The following PPM1E variants were observed in gnomAD, a reference collection of about 807,000 sequenced individuals.
PPM1E encodes the protein protein phosphatase, Mg2+/Mn2+ dependent 1E.
A neutral mutation model predicts 65.9 loss-of-function variants in PPM1E; 20 were observed. The ratio of observed to expected loss-of-function variants is 0.30; its 90% CI spans 0.21 to 0.44. PPM1E has a LOEUF of 0.44. Ranked by LOEUF, PPM1E falls within the 20% of genes least tolerant of loss-of-function variation. The probability of loss-of-function intolerance (pLI) is 1.00; values close to 1 mark genes in which losing one functional copy is unlikely to be tolerated. For synonymous variants in PPM1E, 352 were observed against 374.9 expected (o/e 0.94, Z 0.70); for missense variants, 713 against 953.1 (o/e 0.75, Z 3.32).
At chr17:58,927,019 A>T (rs1380224455) in intron 1 of PPM1E, among the ~76,000 whole-genome samples, 3 of 152,106 alleles carry the variant, frequency 2.0e-5, no homozygotes, top group Admixed American at 6.5e-5. Context: ...TTATTTTTTT[A>T]AATCTGATAG....
At chr17:58,956,359 C>A (rs934335408) in intron 2 of PPM1E, among the ~76,000 whole-genome samples, 3 of 151,734 alleles carry the variant, frequency 2.0e-5, no homozygotes, top group African/African-American at 7.3e-5. Context: ...TTGGTTGAAC[C>A]CAGGAGGTGG....
chr17:58,857,313 G>T (rs1351192444), intron 1 of PPM1E, among the ~76,000 whole-genome samples: 1 of 151,600 alleles, frequency 6.6e-6, no homozygotes, highest in Non-Finnish European at 1.5e-5. Flanking sequence ...TTTTGGTTTT[G>T]CTACAATAAC....
intron 1 of PPM1E, chr17:58,951,433 A>G (rs2052236542): frequency 6.6e-6 from 1 of 152,228 alleles, no homozygotes; most frequent in Non-Finnish European, 1.5e-5. Flanking sequence ...AATTTCAGCA[A>G]TTTGGGAGAC....
intron 1 of PPM1E, among the ~76,000 whole-genome samples, chr17:58,783,767 G>C (rs2050071083): frequency 6.6e-6 from 1 of 152,080 alleles, no homozygotes. Flanking sequence ...GAGTGCAATG[G>C]CGTGATCTCG....
chr17:58,854,336 A>G (rs959860664), intron 1 of PPM1E, among the ~76,000 whole-genome samples: 1 of 152,124 alleles, frequency 6.6e-6, no homozygotes, highest in Non-Finnish European at 1.5e-5. Flanking sequence ...TTTTCTACAT[A>G]TAGGATCACG....
At position 58,981,067 on chromosome 17, in the gene PPM1E, A is replaced by G. The variant is rs1199600073; in HGVS notation, c.*36A>G. 7.9e-6 allele frequency: 11 copies of G among 1,400,412 alleles called. No homozygotes were observed. In the Admixed American group the frequency reaches 1.7e-4, roughly 22 times the overall value. 86.7% of individuals were successfully genotyped at this position (1,400,412 alleles called of 1,614,324 possible). Reference sequence around the variant, plus strand: ...AAGTAGGTTAGCTAGCTCTCCCCCAATAAAAATACCACTATCAGAGTAGAA... The same window carrying G: ...AAGTAGGTTAGCTAGCTCTCCCCCAGTAAAAATACCACTATCAGAGTAGAA... On this transcript the variant is annotated 3_prime_UTR_variant, in exon 7 of 7. Transcript: ENST00000308249.
At position 58,872,289 on chromosome 17, in the gene PPM1E, G is replaced by A. The variant is rs529420445; in HGVS notation, c.465-83360G>A. 1.6e-4 allele frequency among the ~76,000 whole-genome samples: 24 copies of A among 152,242 alleles called. No homozygotes were observed. The South Asian group carries it at 5.0e-3, about 32-fold the overall frequency. ...TCCAGCCTGGGCCATAAAGTGAGAG[G>A]CTGTCTCAAAAAATAAGTAAAAGGA... On this transcript the variant is annotated intron_variant, in intron 1 of 6. Coordinates refer to ENST00000308249, the MANE Select transcript of PPM1E (RefSeq NM_014906.5).
At chr17:58,907,865 A>G (rs1484452133) in intron 1 of PPM1E, among the ~76,000 whole-genome samples, 5 of 151,826 alleles carry the variant, frequency 3.3e-5, no homozygotes, top group Non-Finnish European at 5.9e-5. Context: ...TTTCATCTAT[A>G]TGTGTCTTTA....
chr17:58,904,934 G>A (rs1480738873), intron 1 of PPM1E, among the ~76,000 whole-genome samples: 1 of 152,046 alleles, frequency 6.6e-6, no homozygotes. Context: ...TGAGGCAGGA[G>A]AATCGCTTGA....
chr17:58,949,323 C>G (rs985533879), intron 1 of PPM1E, among the ~76,000 whole-genome samples: 5 of 152,074 alleles, frequency 3.3e-5, no homozygotes. Context: ...TTCCTGCTTG[C>G]TTTTGGTTTC....
chr17:58,969,503 C>T (rs752223548), intron 3 of PPM1E, 36 bp from the exon 4 acceptor site: 10 of 1,605,632 alleles, frequency 6.2e-6, no homozygotes, highest in Non-Finnish European at 8.5e-6. Context: ...CATGCTATAC[C>T]CAACTCCCAT....
Position 58,756,293 on chromosome 17 carries a change from A to AGGT in PPM1E, c.298_299insTGG (p.Glu99_Glu100insVal). 1 of 1,529,234 alleles carries AGGT rather than the reference A, an allele frequency of 6.5e-7. No individual in the cohort carries two copies. Among genetic ancestry groups the AGGT allele is most frequent in the East Asian group, 2.5e-5 (1 of 39,486 alleles). 94.7% of individuals were successfully genotyped at this position (1,529,234 alleles called of 1,614,324 possible). A position where few individuals can be genotyped will look rare whatever the true frequency, so the allele number is the denominator to read the frequency against. ...GCGGCGGTTGAGGGTGAGGAGGAGG[A>AGGT]GGAGGGCGCGGCGACGGCGGCGGCA... On this transcript the variant is annotated inframe_insertion, in exon 1 of 7. Transcript: ENST00000308249.
chr17:58,861,979 C>A (rs1749073450), intron 1 of PPM1E, among the ~76,000 whole-genome samples: 1 of 152,138 alleles, frequency 6.6e-6, no homozygotes. Flanking sequence ...GACAAAGACT[C>A]CTGGTTGAAG....
At chr17:58,816,794 ATTTTTT>A (rs71367634) in intron 1 of PPM1E, among the ~76,000 whole-genome samples, 41 of 16,632 alleles carry the variant, frequency 2.5e-3, no homozygotes, top group South Asian at 9.8e-3. Context: ...ATATATATAT[ATTTTTT>A]TTTTTTTTTT....
chr17:58,800,916 G>A, intron 1 of PPM1E, among the ~76,000 whole-genome samples: 1 of 151,936 alleles, frequency 6.6e-6, no homozygotes, highest in East Asian at 1.9e-4. Context: ...TTTTTTGCCT[G>A]ATTTCTACTT....
At chr17:58,837,342 C>CACACACACACAG (rs2050672731) in intron 1 of PPM1E, among the ~76,000 whole-genome samples, 1 of 149,592 alleles carries the variant, frequency 6.7e-6, no homozygotes, top group Non-Finnish European at 1.5e-5. Context: ...TACACACACA[C>CACACACACACAG]ACACACACAC....
chr17:58,894,738 T>G (rs1038988566), intron 1 of PPM1E, among the ~76,000 whole-genome samples: 1 of 152,158 alleles, frequency 6.6e-6, no homozygotes. Context: ...ACCATTATAA[T>G]TGTTTAATGT....
intron 1 of PPM1E, among the ~76,000 whole-genome samples, chr17:58,810,978 C>T (rs1172073055): frequency 6.6e-6 from 1 of 152,112 alleles, no homozygotes; most frequent in East Asian, 1.9e-4. Flanking sequence ...CTGCTTCAGC[C>T]TCCCGAGTAG....
chr17:58,792,929 T>G (rs577829708), intron 1 of PPM1E, among the ~76,000 whole-genome samples: 1 of 151,254 alleles, frequency 6.6e-6, no homozygotes, highest in South Asian at 2.1e-4. Context: ...AATTTTTGTA[T>G]TTTTAGTAGA....
Sources: gnomAD v4.1 joint callset for allele counts (sites outside exome capture counted in the v4.1 genomes callset) on GRCh38, gnomAD v4.1.1 for gene constraint, MANE v1.5 for transcripts, NCBI Gene and HGNC (gene_info 2026-07-23, HGNC 2026-07-21) for gene names.